Variants in PLCXD3 observed in about 807,000 individuals in gnomAD.
The protein encoded by PLCXD3 is phosphatidylinositol specific phospholipase C X domain containing 3.
In PLCXD3, 19 loss-of-function variants were observed where a neutral mutation model predicts 25.5. The observed-to-expected ratio is 0.75, with a 90% CI of 0.52 to 1.09. The LOEUF (loss-of-function observed/expected upper bound fraction) is 1.09, where lower values mean the gene tolerates loss of function less well. Ranked by LOEUF, PLCXD3 falls within the 50% of genes least tolerant of loss-of-function variation. The probability of loss-of-function intolerance (pLI) is 0.00; values close to 1 mark genes in which losing one functional copy is unlikely to be tolerated. For synonymous variants in PLCXD3, 174 were observed against 137.6 expected (o/e 1.26, Z -1.85); for missense variants, 411 against 388.1 (o/e 1.06, Z -0.50).
chr5:41,406,337 G>A (rs1444209688), intron 1 of PLCXD3, among the ~76,000 whole-genome samples: 1 of 151,982 alleles, frequency 6.6e-6, no homozygotes, highest in Non-Finnish European at 1.5e-5. Context: ...CATCTAATTT[G>A]ACCTGCATTT....
At position 41,310,406 on chromosome 5, in the gene PLCXD3, G is replaced by T. The variant is rs892704549; in HGVS notation, c.*3211C>A. ...TTGTTTGGTTGTTTTGTTTTGTTTT[G>T]TTTTTTTGCCTCACAGGACTTGTGA... On this transcript the variant is annotated 3_prime_UTR_variant, in exon 3 of 3. Transcript: ENST00000377801. 2 of 151,818 alleles carry T rather than the reference G, an allele frequency of 1.3e-5. No individual in the cohort carries two copies. Among genetic ancestry groups the T allele is most frequent in the Non-Finnish European group, 2.9e-5 (2 of 67,900 alleles). The allele number at this position is 151,818 out of a possible 1,614,324, so 9.4% of individuals were successfully genotyped here. A position where few individuals can be genotyped will look rare whatever the true frequency, so the allele number is the denominator to read the frequency against.
chr5:41,366,992 G>C (rs1172188193), intron 2 of PLCXD3, among the ~76,000 whole-genome samples: 1 of 152,122 alleles, frequency 6.6e-6, no homozygotes, highest in Non-Finnish European at 1.5e-5. Flanking sequence ...TGACCACATA[G>C]TATTCTATGA....
At position 41,466,787 on chromosome 5, in the gene PLCXD3, T is replaced by C. The variant is rs188311487; in HGVS notation, c.103+43637A>G. ...GAATTCAACTTTATTAGATTCCTCA[T>C]ATAAGTGAGACCATGTGGTATTTGT... On this transcript the variant is annotated intron_variant, in intron 1 of 2. Coordinates refer to ENST00000377801, the MANE Select transcript of PLCXD3 (RefSeq NM_001005473.3). 1.3e-4 allele frequency among the ~76,000 whole-genome samples: 20 copies of C among 152,240 alleles called. No individual in the cohort carries two copies. The East Asian group carries it at 3.7e-3, about 28-fold the overall frequency.
intron 1 of PLCXD3, among the ~76,000 whole-genome samples, chr5:41,408,191 G>A (rs1470707882): frequency 6.6e-6 from 1 of 152,162 alleles, no homozygotes; most frequent in Non-Finnish European, 1.5e-5. Flanking sequence ...TATTTTTAAA[G>A]ATTATCAGCA....
rs139060947 is a variant in PLCXD3, at chr5:41,326,211, T to C, written c.813-12441A>G. 1.6e-4 allele frequency among the ~76,000 whole-genome samples: 25 copies of C among 152,322 alleles called. No individual in the cohort carries two copies. In the East Asian group the frequency reaches 4.2e-3, roughly 26 times the overall value. On this transcript the variant is annotated intron_variant, in intron 2 of 2. Transcript: ENST00000377801. Reference sequence around the variant, plus strand: ...GCATTCATCTAACAAAGATGTATTGTGCATCAGTGGTGCTACCTGTAACTT... The same window carrying C: ...GCATTCATCTAACAAAGATGTATTGCGCATCAGTGGTGCTACCTGTAACTT...
At chr5:41,345,933 G>T (rs1227122464) in intron 2 of PLCXD3, among the ~76,000 whole-genome samples, 5 of 150,500 alleles carry the variant, frequency 3.3e-5, no homozygotes, top group African/African-American at 1.2e-4. Context: ...GGGCTGGAGT[G>T]CAGTGGCACT....
chr5:41,342,033 C>CT (rs1393214031), intron 2 of PLCXD3, among the ~76,000 whole-genome samples: 1 of 152,090 alleles, frequency 6.6e-6, no homozygotes, highest in Non-Finnish European at 1.5e-5. Context: ...GAGCTCCTGC[C>CT]TACTCATCTT....
intron 2 of PLCXD3, among the ~76,000 whole-genome samples, chr5:41,378,850 A>G (rs761107345): frequency 6.6e-6 from 1 of 152,080 alleles, no homozygotes; most frequent in Non-Finnish European, 1.5e-5. Flanking sequence ...AGTAACCAAA[A>G]AGCAGTTTAA....
intron 2 of PLCXD3, among the ~76,000 whole-genome samples, chr5:41,347,376 TG>T (rs1744330989): frequency 6.6e-6 from 1 of 152,234 alleles, no homozygotes; most frequent in African/African-American, 2.4e-5. Context: ...TGGTTTACTC[TG>T]GACATTTATT....
At chr5:41,346,810 G>T (rs1355933086) in intron 2 of PLCXD3, among the ~76,000 whole-genome samples, 1 of 152,006 alleles carries the variant, frequency 6.6e-6, no homozygotes, top group Non-Finnish European at 1.5e-5. Context: ...CTTCCTTCCT[G>T]CCCTCTTGTG....
At chr5:41,479,500 A>C (rs1748349800) in intron 1 of PLCXD3, among the ~76,000 whole-genome samples, 1 of 152,188 alleles carries the variant, frequency 6.6e-6, no homozygotes, top group South Asian at 2.1e-4. Flanking sequence ...TATGTTGTGT[A>C]TATTTTACCT....
chr5:41,465,356 T>TTTTTTTTTTTTTTTTTTTTTTTTTTTTTC (rs1747992459), intron 1 of PLCXD3, among the ~76,000 whole-genome samples: 1 of 71,278 alleles, frequency 1.4e-5, no homozygotes, highest in Non-Finnish European at 3.0e-5. Context: ...TTCTTGTCTT[T>TTTTTTTTTTTTTTTTTTTTTTTTTTTTTC]TTTTTTTTTT....
At chr5:41,371,061 G>C (rs1367594293) in intron 2 of PLCXD3, among the ~76,000 whole-genome samples, 1 of 152,076 alleles carries the variant, frequency 6.6e-6, no homozygotes, top group Non-Finnish European at 1.5e-5. Flanking sequence ...AATTTGAAGA[G>C]TTTGCATTTT....
intron 2 of PLCXD3, among the ~76,000 whole-genome samples, chr5:41,373,988 G>A (rs945938255): frequency 1.3e-5 from 2 of 152,118 alleles, no homozygotes; most frequent in African/African-American, 2.4e-5. Flanking sequence ...CTACCTGAGT[G>A]ATACAGCAAG....
At chr5:41,369,839 G>C (rs1396475392) in intron 2 of PLCXD3, among the ~76,000 whole-genome samples, 2 of 152,134 alleles carry the variant, frequency 1.3e-5, no homozygotes, top group Admixed American at 6.6e-5. Context: ...TTTTGAACCT[G>C]AGCTAAATTA....
At chr5:41,457,947 G>C (rs1303907502) in intron 1 of PLCXD3, among the ~76,000 whole-genome samples, 1 of 151,848 alleles carries the variant, frequency 6.6e-6, no homozygotes, top group Non-Finnish European at 1.5e-5. Context: ...CGTGTTACTG[G>C]ATGTGAGGGA....
At chr5:41,401,641 C>G (rs1327375339) in intron 1 of PLCXD3, among the ~76,000 whole-genome samples, 1 of 151,946 alleles carries the variant, frequency 6.6e-6, no homozygotes, top group Admixed American at 6.6e-5. Flanking sequence ...TTTTCTCATT[C>G]TATTATAACG....
chr5:41,386,086 C>T (rs559866131), intron 1 of PLCXD3, among the ~76,000 whole-genome samples: 3 of 152,172 alleles, frequency 2.0e-5, no homozygotes, highest in Admixed American at 6.6e-5. Flanking sequence ...TAATACAGGC[C>T]ATAGCATCTC....
At chr5:41,369,810 T>G (rs1393826642) in intron 2 of PLCXD3, among the ~76,000 whole-genome samples, 1 of 152,196 alleles carries the variant, frequency 6.6e-6, no homozygotes, top group East Asian at 1.9e-4. Flanking sequence ...TTATCTTATT[T>G]ATTTTTTGAC....
Sources: gnomAD v4.1 joint callset for allele counts (sites outside exome capture counted in the v4.1 genomes callset) on GRCh38, gnomAD v4.1.1 for gene constraint, MANE v1.5 for transcripts, NCBI Gene and HGNC (gene_info 2026-07-23, HGNC 2026-07-21) for gene names.